FYCO1: variants seen among roughly 807,000 people sequenced by gnomAD.
FYCO1 encodes the protein FYVE and coiled-coil domain autophagy adaptor 1.
In FYCO1, 122 loss-of-function variants were observed where a neutral mutation model predicts 165.1. That is an observed-to-expected ratio of 0.74 (90% CI 0.64 to 0.86). The LOEUF is 0.86. Ranked by LOEUF, FYCO1 falls within the 40% of genes least tolerant of loss-of-function variation. FYCO1 has a pLI of 0.00. For synonymous variants in FYCO1, 648 were observed against 742.5 expected, an observed-to-expected ratio of 0.87 and a Z score of 2.07; for missense variants, 1,702 against 1,810.3, an observed-to-expected ratio of 0.94 and a Z score of 1.09.
intron 14 of FYCO1, among the ~76,000 whole-genome samples, chr3:45,954,414 A>T (rs1226839361): frequency 6.6e-6 from 1 of 152,102 alleles, no homozygotes; most frequent in Non-Finnish European, 1.5e-5. Context: ...TCCCTAGGGC[A>T]TGCTTCATTC....
At chr3:45,935,980 C>T (rs1432453313) in intron 15 of FYCO1, among the ~76,000 whole-genome samples, 1 of 152,122 alleles carries the variant, frequency 6.6e-6, no homozygotes, top group Non-Finnish European at 1.5e-5. Context: ...TTTTAAAAGA[C>T]TGCAAAATAA....
intron 15 of FYCO1, among the ~76,000 whole-genome samples, chr3:45,931,764 C>A (rs899490972): frequency 6.6e-6 from 1 of 152,222 alleles, no homozygotes; most frequent in Non-Finnish European, 1.5e-5. Flanking sequence ...CTGATATAGT[C>A]CATCTTCTCA....
At chr3:45,941,305 G>C (rs905058588) in intron 14 of FYCO1, 1 of 152,210 alleles carries the variant, frequency 6.6e-6, no homozygotes, top group African/African-American at 2.4e-5. Context: ...CAGGTAAGGA[G>C]AGCAGGCCAA....
rs1575323156 is a variant in FYCO1, at chr3:45,923,773, G to A, written c.4252-8C>T. On this transcript the variant is annotated splice_region_variant and splice_polypyrimidine_tract_variant and intron_variant, in intron 16 of 17. Coordinates refer to ENST00000296137, the MANE Select transcript of FYCO1 (RefSeq NM_024513.4). ...GGTCGTGGGAATGAGGACCTGGGAG[G>A]GAAAGCAGGTAGGCAAAAACATCAC... 1 of 1,597,480 alleles carries A rather than the reference G, an allele frequency of 6.3e-7. No individual in the cohort carries two copies. The highest frequency in any genetic ancestry group is 1.1e-5 in the South Asian group (1 of 90,722).
chr3:45,966,966 C>T lies in FYCO1; in HGVS notation c.2368G>A (p.Ala790Thr), dbSNP rs1174238491. The T allele has an allele frequency of 6.2e-7, 1 of 1,613,438 alleles. No individual in the cohort carries two copies. Among genetic ancestry groups the T allele is most frequent in the African/African-American group, 1.3e-5 (1 of 74,944 alleles). The change falls in exon 8 of 18, where the codon GCT (alanine) becomes ACT (threonine). Residue 790 changes from alanine (A) to threonine (T), a missense_variant. Ala to Thr is a moderately conservative substitution (Grantham distance 58). Transcript: ENST00000296137. ...TTGGCCTGGAGGTCCACCACCTGAG[C>T]CTGCAGCCGTTGGACCTCCCCCTGA... ...VHQGEVQRLQ[A>T]QVVDLQAKMR...
At chr3:45,959,258 C>T in intron 12 of FYCO1, 135 bp downstream of exon 12, 1 of 1,000,926 alleles carries the variant, frequency 1.0e-6, no homozygotes, top group South Asian at 1.3e-5. Context: ...TCCCTTAAAG[C>T]CAAAACGCAA....
Position 45,962,242 on chromosome 3 carries a change from CCG to C in FYCO1, c.3418_3419del (p.Arg1140AlafsTer27). On this transcript the variant is annotated frameshift_variant, in exon 11 of 18. Coordinates refer to ENST00000296137, the MANE Select transcript of FYCO1 (RefSeq NM_024513.4). LOFTEE classifies it high-confidence loss of function. This position sits in a 1 kb window ranked among gnomAD's most constrained non-coding sequence, Gnocchi z 4.4. The stretch of plus-strand genomic sequence containing the variant: ...GCACTCACCTGAGCAGCTCTATCAG[CCG>C]CTCCTCGAGATACTTCTTGGTTCTG... ...LNRTKKYLEE[R>X]LIELLRDKDA... The C allele has an allele frequency of 6.2e-7, 1 of 1,614,236 alleles. No individual in the cohort carries two copies. The highest frequency in any genetic ancestry group is 8.5e-7 in the Non-Finnish European group (1 of 1,180,036).
chr3:45,963,828 G>C (rs899165856), intron 10 of FYCO1, among the ~76,000 whole-genome samples: 1 of 152,158 alleles, frequency 6.6e-6, no homozygotes, highest in Non-Finnish European at 1.5e-5. Context: ...CACAGATATG[G>C]CATCAGAGTC....
chr3:45,938,111 TA>T, intron 14 of FYCO1: 2 of 760,154 alleles, frequency 2.6e-6, no homozygotes, highest in Non-Finnish European at 3.9e-6. Context: ...GCATTCAGGA[TA>T]AAAGATGTCC....
chr3:45,926,151 A>AAACCT (rs1703310122), intron 16 of FYCO1, among the ~76,000 whole-genome samples: 1 of 152,240 alleles, frequency 6.6e-6, no homozygotes, highest in Non-Finnish European at 1.5e-5. Flanking sequence ...TGGCAGACTC[A>AAACCT]AACCTAACCT....
Position 45,967,683 on chromosome 3 carries a change from C to G in FYCO1, c.1651G>C (p.Gly551Arg). The change falls in exon 8 of 18, where the codon GGT becomes CGT. Residue 551 changes from glycine to arginine, a missense_variant. By Grantham distance (125) the Gly-to-Arg change is moderately radical (BLOSUM62 -2). Coordinates refer to ENST00000296137, the MANE Select transcript of FYCO1 (RefSeq NM_024513.4). ...QDKDHLSQQVGMLERLAGPPG... is the reference protein window; with the variant it reads ...QDKDHLSQQVRMLERLAGPPG... ...GGCCCAGCAAGCCGCTCGAGCATACCCACCTGCTGGCTGAGGTGGTCTTTG... is the reference window on the plus strand; with the variant it reads ...GGCCCAGCAAGCCGCTCGAGCATACGCACCTGCTGGCTGAGGTGGTCTTTG... 1 of 1,613,894 alleles carries G rather than the reference C, an allele frequency of 6.2e-7. No homozygotes were observed. The highest frequency in any genetic ancestry group is 8.5e-7 in the Non-Finnish European group (1 of 1,180,036).
intron 14 of FYCO1, among the ~76,000 whole-genome samples, chr3:45,949,532 G>A (rs1704861246): frequency 6.6e-6 from 1 of 152,196 alleles, no homozygotes; most frequent in Non-Finnish European, 1.5e-5. Flanking sequence ...ACAGTGTTCA[G>A]TGACAGCTCC....
chr3:45,954,578 G>C (rs960313900), intron 14 of FYCO1, among the ~76,000 whole-genome samples: 1 of 152,198 alleles, frequency 6.6e-6, no homozygotes, highest in Non-Finnish European at 1.5e-5. Flanking sequence ...CCCAGCAAGG[G>C]TTGCTGTTAT....
At chr3:45,931,979 T>G (rs1241855930) in intron 15 of FYCO1, among the ~76,000 whole-genome samples, 1 of 152,236 alleles carries the variant, frequency 6.6e-6, no homozygotes, top group East Asian at 1.9e-4. Context: ...CCTCTGTTTT[T>G]GGGGTTCTGT....
chr3:45,962,467 C>T lies in FYCO1; in HGVS notation c.3270-75G>A. On this transcript the variant is annotated intron_variant, in intron 10 of 17. Transcript: ENST00000296137. The surrounding 1 kb of genome is among the most constrained non-coding windows in gnomAD (Gnocchi z 4.4). The stretch of plus-strand genomic sequence containing the variant: ...CCCAGGGCTCTAAGCTCACCCAGGA[C>T]TCTAATGAGGGGTGCTACTGCCCTC... 3.7e-6 allele frequency: 5 copies of T among 1,369,144 alleles called. No homozygotes were observed. Among genetic ancestry groups the T allele is most frequent in the Non-Finnish European group, 5.2e-6 (5 of 957,054 alleles). 84.8% of individuals were successfully genotyped at this position (1,369,144 alleles called of 1,614,324 possible).
chr3:45,927,219 G>A (rs1323895761), intron 16 of FYCO1, among the ~76,000 whole-genome samples: 1 of 152,140 alleles, frequency 6.6e-6, no homozygotes, highest in Non-Finnish European at 1.5e-5. Flanking sequence ...TGTGGCCCAA[G>A]ACAATTCTTC....
At chr3:45,930,020 A>C (rs1703513764) in intron 16 of FYCO1, among the ~76,000 whole-genome samples, 1 of 152,172 alleles carries the variant, frequency 6.6e-6, no homozygotes, top group African/African-American at 2.4e-5. Flanking sequence ...CCAAACACAC[A>C]AGGGACTATT....
intron 8 of FYCO1, among the ~76,000 whole-genome samples, chr3:45,965,957 A>G (rs887440891): frequency 3.3e-5 from 5 of 152,198 alleles, no homozygotes; most frequent in Admixed American, 6.5e-5. Context: ...CCCTCAAACT[A>G]TATTTGTAAA....
chr3:45,964,729 C>T lies in FYCO1; in HGVS notation c.3151-275G>A, dbSNP rs1238040604. ...GAGCAGGATTCACCTGAACAAGTCA[C>T]TGCTCTGAAGACTGTGGATCCAGTG... On this transcript the variant is annotated intron_variant, in intron 9 of 17. Coordinates refer to ENST00000296137, the MANE Select transcript of FYCO1 (RefSeq NM_024513.4). The surrounding 1 kb of genome is among the most constrained non-coding windows in gnomAD (Gnocchi z 4.1). Among the ~76,000 whole-genome samples the T allele has an allele frequency of 6.6e-6, 1 of 152,232 alleles. No individual in the cohort carries two copies. Among genetic ancestry groups the T allele is most frequent in the East Asian group, 1.9e-4 (1 of 5,196 alleles).
Sources: gnomAD v4.1 joint callset for allele counts (sites outside exome capture counted in the v4.1 genomes callset) on GRCh38, gnomAD v4.1.1 for gene constraint, Gnocchi (gnomAD v3.1) non-coding constraint, MANE v1.5 for transcripts, NCBI Gene and HGNC (gene_info 2026-07-23, HGNC 2026-07-21) for gene names.